Variants in CPA6 observed in about 807,000 individuals in gnomAD.
The protein encoded by CPA6 is carboxypeptidase A6.
A neutral mutation model predicts 63.3 loss-of-function variants in CPA6; 58 were observed. The observed-to-expected ratio is 0.92, with a 90% CI of 0.74 to 1.14. The LOEUF (loss-of-function observed/expected upper bound fraction) is 1.14. Among genes scored for constraint, CPA6 ranks in the 50% most tolerant of loss-of-function variants. The pLI, the probability that CPA6 is intolerant of heterozygous loss-of-function variation, is 0.00. For synonymous variants in CPA6, 185 were observed against 179.0 expected, an observed-to-expected ratio of 1.03 and a Z score of -0.27; for missense variants, 565 against 526.6, an observed-to-expected ratio of 1.07 and a Z score of -0.71.
At chr8:67,621,961 G>A (rs1386577192) in intron 2 of CPA6, among the ~76,000 whole-genome samples, 1 of 152,236 alleles carries the variant, frequency 6.6e-6, no homozygotes, top group Non-Finnish European at 1.5e-5. Flanking sequence ...CCTATTTACA[G>A]TCTAGAGCTT....
At chr8:67,625,016 C>A (rs1381544356) in intron 1 of CPA6, among the ~76,000 whole-genome samples, 2 of 151,924 alleles carry the variant, frequency 1.3e-5, no homozygotes, top group Non-Finnish European at 2.9e-5. Context: ...AAATCCATCT[C>A]CCTGATGGAC....
chr8:67,508,986 T>C (rs774540987), intron 5 of CPA6, among the ~76,000 whole-genome samples: 12 of 152,022 alleles, frequency 7.9e-5, no homozygotes, highest in South Asian at 2.1e-4. Flanking sequence ...CTTAGAGTCA[T>C]GGCAGAAGGA....
At chr8:67,431,817 G>T (rs1175820308) in intron 9 of CPA6, among the ~76,000 whole-genome samples, 1 of 152,072 alleles carries the variant, frequency 6.6e-6, no homozygotes, top group Admixed American at 6.6e-5. Context: ...GGAATGCCAA[G>T]AACAAAATTC....
At chr8:67,737,746 C>CT (rs1817841350) in intron 1 of CPA6, among the ~76,000 whole-genome samples, 1 of 152,316 alleles carries the variant, frequency 6.6e-6, no homozygotes, top group Non-Finnish European at 1.5e-5. Context: ...AATTCTCAGC[C>CT]TTGCCAAATC....
At chr8:67,500,485 T>C (rs540269494) in intron 6 of CPA6, among the ~76,000 whole-genome samples, 34 of 152,270 alleles carry the variant, frequency 2.2e-4, no homozygotes, top group Admixed American at 7.2e-4. Context: ...AGCTTATCAT[T>C]TTCATCCTCT....
intron 8 of CPA6, among the ~76,000 whole-genome samples, chr8:67,450,490 T>C (rs766215912): frequency 1.6e-4 from 24 of 152,372 alleles, no homozygotes; most frequent in Non-Finnish European, 2.1e-4. Context: ...TAGAGACTTA[T>C]GTCAATGAAC....
intron 2 of CPA6, among the ~76,000 whole-genome samples, chr8:67,589,299 T>C (rs1006667151): frequency 2.6e-5 from 4 of 152,188 alleles, no homozygotes; most frequent in Non-Finnish European, 5.9e-5. Flanking sequence ...CAGCATAGCA[T>C]CCCTCTTCAA....
At chr8:67,668,395 G>A (rs1232719104) in intron 1 of CPA6, among the ~76,000 whole-genome samples, 1 of 152,150 alleles carries the variant, frequency 6.6e-6, no homozygotes, top group African/African-American at 2.4e-5. Context: ...ACACACACAG[G>A]CAGTTCTCTA....
chr8:67,496,515 T>A (rs1339904939), intron 6 of CPA6, among the ~76,000 whole-genome samples: 1 of 105,906 alleles, frequency 9.4e-6, no homozygotes, highest in Non-Finnish European at 1.8e-5. Flanking sequence ...CACCACTATA[T>A]AGTTTATATA....
rs142796381 is a variant in CPA6 at position 67,534,380 on chromosome 8, C to T, written c.193-16333G>A. On this transcript the variant is annotated intron_variant, in intron 2 of 10. Transcript: ENST00000297770. Reference sequence around the variant, plus strand: ...AGGTGGCAGGGCCAGTGGCTAATCACCATCCAGTAGGCAAGTGGTTCAATA... The same window carrying T: ...AGGTGGCAGGGCCAGTGGCTAATCATCATCCAGTAGGCAAGTGGTTCAATA... Among the ~76,000 whole-genome samples, 61 of 152,084 alleles carry T rather than the reference C, an allele frequency of 4.0e-4. 1 individual carries two copies. The highest frequency in any genetic ancestry group is 1.4e-3 in the African/African-American group (58 of 41,474).
chr8:67,498,070 T>C (rs1811758514), intron 6 of CPA6, among the ~76,000 whole-genome samples: 1 of 152,214 alleles, frequency 6.6e-6, no homozygotes, highest in Non-Finnish European at 1.5e-5. Context: ...CTTTGCCCAT[T>C]CTCAGGTTTA....
intron 2 of CPA6, 42 bp from the exon 3 acceptor site, chr8:67,518,089 G>C (rs760472370): frequency 5.4e-6 from 8 of 1,489,484 alleles, no homozygotes; most frequent in Middle Eastern, 1.8e-4. Flanking sequence ...TCCAACGTAG[G>C]GGGGGAAAAT....
chr8:67,504,520 T>C (rs1811890505), intron 6 of CPA6, among the ~76,000 whole-genome samples: 1 of 152,272 alleles, frequency 6.6e-6, no homozygotes, highest in East Asian at 1.9e-4. Context: ...TGAAGCCAGG[T>C]GCCACGTTTT....
intron 2 of CPA6, among the ~76,000 whole-genome samples, chr8:67,586,450 T>G (rs1466171216): frequency 3.3e-5 from 5 of 152,164 alleles, no homozygotes. Context: ...CTATGTTTAG[T>G]GAACCTGAAG....
chr8:67,552,039 T>C (rs1812949487), intron 2 of CPA6, among the ~76,000 whole-genome samples: 1 of 152,244 alleles, frequency 6.6e-6, no homozygotes, highest in South Asian at 2.1e-4. Context: ...TTTATCTCAA[T>C]ACTTTATGCA....
At chr8:67,552,168 T>G (rs576287630) in intron 2 of CPA6, among the ~76,000 whole-genome samples, 4 of 152,290 alleles carry the variant, frequency 2.6e-5, no homozygotes, top group African/African-American at 7.2e-5. Flanking sequence ...TCCCACCTAT[T>G]AAAACAACCA....
chr8:67,439,748 TTTTA>T (rs1810248022), intron 8 of CPA6, among the ~76,000 whole-genome samples: 4 of 152,160 alleles, frequency 2.6e-5, no homozygotes, highest in African/African-American at 7.2e-5. Context: ...ACTGATTTTA[TTTTA>T]TTTATTTATT....
intron 8 of CPA6, among the ~76,000 whole-genome samples, chr8:67,461,415 A>C (rs1810802858): frequency 6.7e-6 from 1 of 149,388 alleles, no homozygotes; most frequent in Admixed American, 6.7e-5. Flanking sequence ...AGGCAGAAGA[A>C]TTTATCTTAG....
chr8:67,515,739 C>T (rs1276893531), intron 3 of CPA6, among the ~76,000 whole-genome samples: 1 of 152,208 alleles, frequency 6.6e-6, no homozygotes, highest in South Asian at 2.1e-4. Flanking sequence ...GCTACCTGTT[C>T]TTGACTGCAC....
Sources: gnomAD v4.1 joint callset for allele counts (sites outside exome capture counted in the v4.1 genomes callset) on GRCh38, gnomAD v4.1.1 for gene constraint, MANE v1.5 for transcripts, NCBI Gene and HGNC (gene_info 2026-07-23, HGNC 2026-07-21) for gene names.